AK3: variants seen among roughly 807,000 people sequenced by gnomAD.
AK3 encodes the protein GTP:AMP phosphotransferase AK3, mitochondrial.
Under a neutral mutation model 23.7 loss-of-function variants are expected in AK3, and 27 were observed. The ratio of observed to expected loss-of-function variants is 1.14; its 90% CI spans 0.84 to 1.57. The LOEUF is 1.57. AK3 is among the 40% of genes most tolerant of loss of function. The probability of loss-of-function intolerance (pLI) is 0.00; values close to 1 mark genes in which losing one functional copy is unlikely to be tolerated. For missense variants in AK3, 406 were observed against 285.6 expected, an observed-to-expected ratio of 1.42 and a Z score of -3.04; for synonymous variants, 159 against 116.0, an observed-to-expected ratio of 1.37 and a Z score of -2.38.
At chr9:4,713,131 A>G (rs372240880) in intron 4 of AK3, 35 bp from the exon 5 acceptor site, 22 of 1,606,022 alleles carry the variant, frequency 1.4e-5, no homozygotes, top group Non-Finnish European at 1.7e-5. Flanking sequence ...AAACACACAC[A>G]GGTCTGAGTC....
At chr9:4,733,251 T>C (rs1027468198) in intron 1 of AK3, among the ~76,000 whole-genome samples, 1 of 152,030 alleles carries the variant, frequency 6.6e-6, no homozygotes, top group Non-Finnish European at 1.5e-5. Context: ...AACTTAACTT[T>C]AAAAATGTGT....
intron 1 of AK3, among the ~76,000 whole-genome samples, chr9:4,725,631 G>C (rs761918921): frequency 6.6e-6 from 1 of 151,978 alleles, no homozygotes; most frequent in Non-Finnish European, 1.5e-5. Context: ...GAAAAGAAGT[G>C]AAAAGACAAT....
In AK3 at chr9:4,732,539, TTAAAAG is replaced by T. The variant is rs372752976; in HGVS notation, c.151+8392_151+8397del. ...ACTTCCACAAAACACAAAAGGCAGT[TTAAAAG>T]TAAATTATTTATGATAAGCTAATTT... On this transcript the variant is annotated intron_variant, in intron 1 of 4. Coordinates refer to ENST00000381809, the MANE Select transcript of AK3 (RefSeq NM_016282.4). Among the ~76,000 whole-genome samples the T allele has an allele frequency of 4.9e-4, 75 of 152,224 alleles. 1 individual carries two copies. The highest frequency in any genetic ancestry group is 1.7e-3 in the African/African-American group (72 of 41,542).
At chr9:4,736,286 A>G (rs1370768993) in intron 1 of AK3, among the ~76,000 whole-genome samples, 3 of 152,110 alleles carry the variant, frequency 2.0e-5, no homozygotes, top group Non-Finnish European at 2.9e-5. Context: ...GCAAAGCAGT[A>G]TTGTTAAAGG....
In AK3 at chr9:4,722,614, A is replaced by C; in HGVS notation, c.163T>G (p.Leu55Val). 6.2e-7 allele frequency: 1 copy of C among 1,614,208 alleles called. No homozygotes were observed. Among genetic ancestry groups the C allele is most frequent in the Non-Finnish European group, 8.5e-7 (1 of 1,180,032 alleles). The change falls in exon 2 of 5, where the codon TTA becomes GTA. Residue 55 changes from leucine to valine, a missense_variant. Leu to Val is a conservative substitution (Grantham distance 32). Coordinates refer to ENST00000381809, the MANE Select transcript of AK3 (RefSeq NM_016282.4). Reference sequence around the variant, plus strand: ...CCTTGGTCAATGAAAGCCTTGGCTAACACGCCAATTTCTACAGCAAAGCGG... The same window carrying C: ...CCTTGGTCAATGAAAGCCTTGGCTACCACGCCAATTTCTACAGCAAAGCGG... ...NMLRGTEIGV[L>V]AKAFIDQGKL...
At position 4,722,572 on chromosome 9, in the gene AK3, C is replaced by A; in HGVS notation, c.205G>T (p.Asp69Tyr). Residue 69 changes from aspartate to tyrosine, a missense_variant, in exon 2 of 5, where the codon GAT becomes TAT. Coordinates refer to ENST00000381809, the MANE Select transcript of AK3 (RefSeq NM_016282.4). ...TGAAGGGCCAGCCGAGTCATGACAT[C>A]ATCTGGGATGAGTTTCCCTTGGTCA... Reference protein sequence around the residue: ...FIDQGKLIPDDVMTRLALHEL... With the variant: ...FIDQGKLIPDYVMTRLALHEL... 2 of 1,614,208 alleles carry A rather than the reference C, an allele frequency of 1.2e-6. No individual in the cohort carries two copies. Among genetic ancestry groups the A allele is most frequent in the Non-Finnish European group, 1.7e-6 (2 of 1,180,036 alleles).
At chr9:4,740,884 G>T (rs1842413474) in intron 1 of AK3, 53 bp downstream of exon 1, 1 of 1,435,414 alleles carries the variant, frequency 7.0e-7, no homozygotes, top group Non-Finnish European at 9.2e-7. Context: ...CCTCGCCCGC[G>T]AAGTCCGACC....
At chr9:4,722,440 A>G (rs1841922767) in intron 2 of AK3, 66 bp downstream of exon 2, 1 of 1,608,666 alleles carries the variant, frequency 6.2e-7, no homozygotes, top group South Asian at 1.1e-5. Flanking sequence ...AAGCCCATGA[A>G]ATGCTCATTC....
rs144872904 is a variant in AK3, at chr9:4,737,638, G to A, written c.151+3299C>T. 4.1e-3 allele frequency among the ~76,000 whole-genome samples: 620 copies of A among 152,308 alleles called. 4 individuals carry two copies. Among genetic ancestry groups the A allele is most frequent in the African/African-American group, 0.014 (597 of 41,574 alleles). On this transcript the variant is annotated intron_variant, in intron 1 of 4. Transcript: ENST00000381809. ...GGAAGCTGAAGCAGGAGAATCGCTT[G>A]AACCCAGGAGTCGGAGGTCGCAGTA...
At chr9:4,714,070 C>G (rs1841645595) in intron 4 of AK3, among the ~76,000 whole-genome samples, 1 of 123,828 alleles carries the variant, frequency 8.1e-6, no homozygotes, top group Non-Finnish European at 1.6e-5. Context: ...ATATACACAC[C>G]TACACATATA....
At chr9:4,737,566 T>C (rs1019947835) in intron 1 of AK3, among the ~76,000 whole-genome samples, 1 of 152,034 alleles carries the variant, frequency 6.6e-6, no homozygotes, top group Non-Finnish European at 1.5e-5. Context: ...GAAAATAAAT[T>C]AGCCAGCCAC....
rs532275516 is a variant in AK3, at chr9:4,734,015, G to A, written c.151+6922C>T. On this transcript the variant is annotated intron_variant, in intron 1 of 4. Coordinates refer to ENST00000381809, the MANE Select transcript of AK3 (RefSeq NM_016282.4). ...ACCGTGTTTACATGTTGTTATAGAT[G>A]GAAGTATGTCTCCCCTAAATCTGTA... Among the ~76,000 whole-genome samples, 164 of 152,264 alleles carry A rather than the reference G, an allele frequency of 1.1e-3. 3 individuals carry two copies. The highest frequency in any genetic ancestry group is 1.8e-3 in the Non-Finnish European group (122 of 68,026).
At chr9:4,716,596 G>T (rs1393638976) in intron 4 of AK3, among the ~76,000 whole-genome samples, 3 of 152,120 alleles carry the variant, frequency 2.0e-5, no homozygotes, top group Non-Finnish European at 4.4e-5. Context: ...TACAAAAAAT[G>T]GTTTGCCAAC....
intron 1 of AK3, among the ~76,000 whole-genome samples, chr9:4,728,866 T>TATATATATATATATATATACACAC (rs1395790351): frequency 1.1e-5 from 1 of 87,908 alleles, no homozygotes; most frequent in Non-Finnish European, 2.4e-5. Flanking sequence ...TATATATATA[T>TATATATATATATATATATACACAC]ACACACACAC....
intron 4 of AK3, among the ~76,000 whole-genome samples, chr9:4,716,000 G>A (rs1460288712): frequency 2.0e-5 from 3 of 152,094 alleles, no homozygotes; most frequent in Non-Finnish European, 4.4e-5. Context: ...TGGCTGGTAG[G>A]AGGTAAACTG....
chr9:4,709,588 T>C lies in AK3; in HGVS notation c.*3388A>G, dbSNP rs1841496470. ...TTAGGCATGACAGTTTATTCAGTGC[T>C]ATATATGGAAAAATCAGTGTTTATA... is the stretch of plus-strand genomic sequence containing the variant. On this transcript the variant is annotated 3_prime_UTR_variant, in exon 5 of 5. Transcript: ENST00000381809. The C allele has an allele frequency of 6.6e-6, 1 of 152,196 alleles. No homozygotes were observed. Among genetic ancestry groups the C allele is most frequent in the Admixed American group, 6.5e-5 (1 of 15,280 alleles). The allele number at this position is 152,196 out of a possible 1,614,324, so 9.4% of individuals were successfully genotyped here. A position where few individuals can be genotyped will look rare whatever the true frequency, so the allele number is the denominator to read the frequency against.
chr9:4,729,015 A>ATATATATATATATTTT (rs71326127), intron 1 of AK3, among the ~76,000 whole-genome samples: 67 of 129,424 alleles, frequency 5.2e-4, no homozygotes, highest in East Asian at 1.9e-3. Flanking sequence ...ATATATATAT[A>ATATATATATATATTTT]TTTTTTTTTT....
At position 4,713,001 on chromosome 9, in the gene AK3, C is replaced by T. The variant is rs1841602436; in HGVS notation, c.659G>A (p.Ser220Asn). 1 of 1,613,556 alleles carries T rather than the reference C, an allele frequency of 6.2e-7. No individual in the cohort carries two copies. Among genetic ancestry groups the T allele is most frequent in the South Asian group, 1.1e-5 (1 of 91,052 alleles). ...TCATGGAGTAACTGAAGCTTTCTGG[C>T]TTCTTTGTGGAACTTTAGTTTGTAG... Reference protein sequence around the residue: ...AFLQTKVPQRSQKASVTP With the variant: ...AFLQTKVPQRNQKASVTP Residue 220 changes from serine (S) to asparagine (N), a missense_variant, in exon 5 of 5, where the codon AGC becomes AAC. By Grantham distance (46) the Ser-to-Asn change is conservative. Coordinates refer to ENST00000381809, the MANE Select transcript of AK3 (RefSeq NM_016282.4).
chr9:4,715,754 T>C (rs1841709657), intron 4 of AK3, among the ~76,000 whole-genome samples: 4 of 152,136 alleles, frequency 2.6e-5, no homozygotes. Flanking sequence ...GGTACTTCAC[T>C]GCTTTGGGGG....
Sources: gnomAD v4.1 joint callset for allele counts (sites outside exome capture counted in the v4.1 genomes callset) on GRCh38, gnomAD v4.1.1 for gene constraint, MANE v1.5 for transcripts, NCBI Gene and HGNC (gene_info 2026-07-23, HGNC 2026-07-21) for gene names.